MCF2L2: variants seen among roughly 807,000 people sequenced by gnomAD.
MCF2L2 encodes the protein probable guanine nucleotide exchange factor MCF2L2.
Under a neutral mutation model 150.2 loss-of-function variants are expected in MCF2L2, and 102 were observed. The observed-to-expected ratio is 0.68, with a 90% CI of 0.58 to 0.80. The LOEUF (loss-of-function observed/expected upper bound fraction) is 0.80, where lower values mean the gene tolerates loss of function less well. MCF2L2 is among the 30% of genes least tolerant of loss of function. The pLI is 0.00. For missense variants in MCF2L2, 1,256 were observed against 1,372.8 expected (o/e 0.91, Z 1.34); for synonymous variants, 465 against 491.3 (o/e 0.95, Z 0.71).
At chr3:183,182,523 C>G (rs1576903235) in intron 27 of MCF2L2, 1 of 152,296 alleles carries the variant, frequency 6.6e-6, no homozygotes, top group East Asian at 1.9e-4. Context: ...AAGTCCTCAT[C>G]TGTCCCACCT....
chr3:183,371,895 C>T (rs575045919), intron 3 of MCF2L2: 1 of 152,088 alleles, frequency 6.6e-6, no homozygotes, highest in Admixed American at 6.5e-5. Context: ...ATCAGATAGG[C>T]GTTTGTTTCA....
intron 3 of MCF2L2, among the ~76,000 whole-genome samples, 172 bp from the exon 4 acceptor site, chr3:183,341,802 A>C (rs1202073533): frequency 6.6e-6 from 1 of 152,238 alleles, no homozygotes; most frequent in Non-Finnish European, 1.5e-5. Context: ...ATCTTAACAA[A>C]ATAGATACTT....
At chr3:183,374,631 G>T (rs1279089403) in intron 3 of MCF2L2, 1 of 146,702 alleles carries the variant, frequency 6.8e-6, no homozygotes, top group African/African-American at 2.6e-5. Context: ...TTGCCCTGCC[G>T]CACTCCAGTC....
intron 6 of MCF2L2, 89 bp from the exon 7 acceptor site, chr3:183,318,306 A>C (rs2108516178): frequency 1.4e-6 from 2 of 1,417,216 alleles, no homozygotes; most frequent in Non-Finnish European, 2.0e-6. Flanking sequence ...TTAGTTGATA[A>C]AATTAGTGAA....
At position 183,228,696 on chromosome 3, in the gene MCF2L2, C is replaced by A. The variant is rs563375800; in HGVS notation, c.2046-330G>T. ...AGAAGGCACAGGGGGTCAGGATCAT[C>A]TCCAATTATCAGAACACAGCTGTTC... On this transcript the variant is annotated intron_variant, in intron 17 of 29. Transcript: ENST00000328913. Among the ~76,000 whole-genome samples, 3 of 152,244 alleles carry A rather than the reference C, an allele frequency of 2.0e-5. No homozygotes were observed. In the South Asian group the frequency reaches 6.2e-4, roughly 32 times the overall value.
intron 14 of MCF2L2, 44 bp downstream of exon 14, chr3:183,289,076 C>T (rs371420898): frequency 6.9e-5 from 89 of 1,294,654 alleles, no homozygotes; most frequent in Non-Finnish European, 9.2e-5. Flanking sequence ...AGCAATCTTC[C>T]CTCTTGTCAG....
Position 183,334,355 on chromosome 3 carries a change from G to T in MCF2L2, c.486+4445C>A, listed in dbSNP as rs919260218. Among the ~76,000 whole-genome samples, 4 of 152,162 alleles carry T rather than the reference G, an allele frequency of 2.6e-5. No individual in the cohort carries two copies. The East Asian group carries it at 7.7e-4, about 29-fold the overall frequency. On this transcript the variant is annotated intron_variant, in intron 5 of 29. Transcript: ENST00000328913. The stretch of plus-strand genomic sequence containing the variant: ...CAAAGATTGTTAGTTGCAAGGGAAA[G>T]AATCTATTTAATATTTGGGAAAGTG...
chr3:183,194,519 G>GT (rs1722017461), intron 26 of MCF2L2, among the ~76,000 whole-genome samples: 1 of 152,104 alleles, frequency 6.6e-6, no homozygotes, highest in East Asian at 1.9e-4. Flanking sequence ...CAGAGGGTGC[G>GT]TTTGCCCACT....
chr3:183,354,206 G>A (rs1045956291), intron 3 of MCF2L2, among the ~76,000 whole-genome samples: 17 of 152,128 alleles, frequency 1.1e-4, no homozygotes, highest in African/African-American at 3.4e-4. Flanking sequence ...CTAGTACAGC[G>A]TCACATGACA....
chr3:183,421,873 G>A (rs1715903483), intron 1 of MCF2L2, among the ~76,000 whole-genome samples: 1 of 152,182 alleles, frequency 6.6e-6, no homozygotes, highest in Non-Finnish European at 1.5e-5. Flanking sequence ...CCCTTGAAGT[G>A]TAAAGACACT....
chr3:183,270,882 C>T lies in MCF2L2; in HGVS notation c.1862+5990G>A. The T allele has an allele frequency of 6.2e-7, 1 of 1,608,050 alleles. No homozygotes were observed. The highest frequency in any genetic ancestry group is 8.5e-7 in the Non-Finnish European group (1 of 1,178,080). On this transcript the variant is annotated intron_variant, in intron 15 of 29. Coordinates refer to ENST00000328913, the MANE Select transcript of MCF2L2 (RefSeq NM_015078.4). This position sits in a 1 kb window ranked among gnomAD's most constrained non-coding sequence, Gnocchi z 4.5. ...CTGCAGATTAATGAAGATAATTCTC[C>T]TTTGTAAAATTAGCTATGTGGACAC...
At chr3:183,402,859 A>G (rs553167637) in intron 1 of MCF2L2, among the ~76,000 whole-genome samples, 332 of 148,196 alleles carry the variant, frequency 2.2e-3, no homozygotes, top group Non-Finnish European at 3.8e-3. Flanking sequence ...CTCATATCAT[A>G]GACAAAAAAT....
chr3:183,224,399 T>C, intron 18 of MCF2L2: 1 of 521,810 alleles, frequency 1.9e-6, no homozygotes, highest in Non-Finnish European at 3.4e-6. Flanking sequence ...CAGACATAGA[T>C]AGGCACAGAG....
At chr3:183,419,753 G>A (rs1354664923) in intron 1 of MCF2L2, among the ~76,000 whole-genome samples, 2 of 152,140 alleles carry the variant, frequency 1.3e-5, no homozygotes, top group African/African-American at 4.8e-5. Flanking sequence ...TGCACCTGTA[G>A]TCCCAGCTAC....
intron 17 of MCF2L2, 137 bp downstream of exon 17, chr3:183,229,529 C>T (rs1300433539): frequency 2.0e-6 from 1 of 500,346 alleles, no homozygotes; most frequent in East Asian, 3.3e-5. Context: ...CCAACCCACC[C>T]CAATCCAATC....
intron 1 of MCF2L2, among the ~76,000 whole-genome samples, chr3:183,391,261 C>CTTT (rs145569248): frequency 3.4e-5 from 5 of 145,382 alleles, no homozygotes; most frequent in African/African-American, 7.6e-5. Context: ...TTCTAAAAGC[C>CTTT]TTTTTTTGTT....
chr3:183,270,595 C>G lies in MCF2L2; in HGVS notation c.1862+6277G>C, dbSNP rs1383907494. On this transcript the variant is annotated intron_variant, in intron 15 of 29. Transcript: ENST00000328913. This position sits in a 1 kb window ranked among gnomAD's most constrained non-coding sequence, Gnocchi z 4.5. ...TATGTAATCTCCGGTGATGTAGCTG[C>G]CAAAGTCTATGAGGCATCACAGACA... 1 of 1,614,040 alleles carries G rather than the reference C, an allele frequency of 6.2e-7. No individual in the cohort carries two copies. Among genetic ancestry groups the G allele is most frequent in the African/African-American group, 1.3e-5 (1 of 74,900 alleles).
intron 15 of MCF2L2, among the ~76,000 whole-genome samples, chr3:183,248,048 C>G (rs1724337583): frequency 6.6e-6 from 1 of 152,142 alleles, no homozygotes; most frequent in African/African-American, 2.4e-5. Context: ...GCCCTGTGCC[C>G]CTTTTTGCAG....
intron 5 of MCF2L2, among the ~76,000 whole-genome samples, chr3:183,325,609 G>A (rs1729991602): frequency 6.6e-6 from 1 of 152,134 alleles, no homozygotes; most frequent in African/African-American, 2.4e-5. Context: ...AATGTATTTT[G>A]CTTCTTGGAG....
Sources: allele counts gnomAD v4.1 joint callset (sites outside exome capture counted in the v4.1 genomes callset), GRCh38; gene constraint gnomAD v4.1.1; non-coding constraint Gnocchi (gnomAD v3.1); transcripts MANE v1.5; gene names NCBI Gene and HGNC (gene_info 2026-07-23, HGNC 2026-07-21).